Variants in AGBL4 observed in about 807,000 individuals in gnomAD.
AGBL4 encodes the protein cytosolic carboxypeptidase 6.
Under a neutral mutation model 66.4 loss-of-function variants are expected in AGBL4, and 58 were observed. That is an observed-to-expected ratio of 0.87 (90% CI 0.71 to 1.09). The LOEUF is 1.09. Among genes scored for constraint, AGBL4 ranks in the 50% least tolerant of loss-of-function variants. AGBL4 has a pLI of 0.00. For missense variants in AGBL4, 579 were observed against 631.0 expected (o/e 0.92, Z 0.88); for synonymous variants, 234 against 222.9 (o/e 1.05, Z -0.44).
chr1:49,200,049 G>C (rs1647563923), intron 4 of AGBL4, among the ~76,000 whole-genome samples: 7 of 152,090 alleles, frequency 4.6e-5, no homozygotes, highest in Admixed American at 4.6e-4. Context: ...GGGAGACATG[G>C]TCATTTCTGC....
At chr1:49,838,862 CATATTTA>C (rs1280355495) in intron 2 of AGBL4, among the ~76,000 whole-genome samples, 1 of 152,064 alleles carries the variant, frequency 6.6e-6, no homozygotes, top group South Asian at 2.1e-4. Context: ...AAAACTCAAC[CATATTTA>C]ATAAGATGAT....
intron 2 of AGBL4, among the ~76,000 whole-genome samples, chr1:49,713,813 A>G (rs1647861011): frequency 6.6e-6 from 1 of 151,918 alleles, no homozygotes; most frequent in Non-Finnish European, 1.5e-5. Flanking sequence ...TTTTTTTTTA[A>G]GAGATAGGGT....
chr1:49,545,638 A>G (rs960109890), intron 3 of AGBL4, among the ~76,000 whole-genome samples: 2 of 152,224 alleles, frequency 1.3e-5, no homozygotes, highest in African/African-American at 2.4e-5. Context: ...TATCTATGGT[A>G]TATGAGTACC....
intron 5 of AGBL4, among the ~76,000 whole-genome samples, chr1:49,006,076 G>A (rs996359617): frequency 2.2e-4 from 34 of 152,248 alleles, no homozygotes; most frequent in African/African-American, 6.0e-4. Flanking sequence ...CGTGAGCGAC[G>A]CAGAAGACAG....
intron 11 of AGBL4, among the ~76,000 whole-genome samples, chr1:48,555,641 C>T (rs1360329111): frequency 6.6e-6 from 1 of 152,122 alleles, no homozygotes; most frequent in African/African-American, 2.4e-5. Context: ...TTTTAAGAGA[C>T]AGAGGCACAA....
At chr1:48,843,989 G>C (rs1221580903) in intron 6 of AGBL4, among the ~76,000 whole-genome samples, 2 of 152,224 alleles carry the variant, frequency 1.3e-5, no homozygotes. Flanking sequence ...CAGTCTTAGT[G>C]CACTTAGTCC....
chr1:49,717,184 C>T (rs1414899073), intron 2 of AGBL4, among the ~76,000 whole-genome samples: 1 of 151,988 alleles, frequency 6.6e-6, no homozygotes, highest in Non-Finnish European at 1.5e-5. Context: ...ACAACTGCAC[C>T]ACTGCTCAAG....
intron 3 of AGBL4, among the ~76,000 whole-genome samples, chr1:49,671,819 A>C (rs866146349): frequency 6.6e-6 from 1 of 152,220 alleles, no homozygotes; most frequent in African/African-American, 2.4e-5. Context: ...GCTACTAATT[A>C]AAAGTCAAAA....
chr1:48,675,214 C>G (rs1257958095), intron 6 of AGBL4, among the ~76,000 whole-genome samples: 3 of 152,186 alleles, frequency 2.0e-5, no homozygotes, highest in Non-Finnish European at 4.4e-5. Context: ...CTTACTGTTC[C>G]TGCCATCCTC....
At chr1:49,803,069 TTATA>T (rs1424190542) in intron 2 of AGBL4, among the ~76,000 whole-genome samples, 1 of 150,740 alleles carries the variant, frequency 6.6e-6, no homozygotes, top group Non-Finnish European at 1.5e-5. Flanking sequence ...TATATATGTA[TTATA>T]TATAGCTTAT....
At chr1:49,024,320 C>G (rs1468377811) in intron 5 of AGBL4, among the ~76,000 whole-genome samples, 1 of 152,102 alleles carries the variant, frequency 6.6e-6, no homozygotes, top group Non-Finnish European at 1.5e-5. Context: ...AGATGTCTTT[C>G]CAATCTTTAC....
chr1:49,705,440 C>A (rs1368575700), intron 2 of AGBL4, among the ~76,000 whole-genome samples: 1 of 149,438 alleles, frequency 6.7e-6, no homozygotes, highest in Non-Finnish European at 1.5e-5. Flanking sequence ...ATAGCCCTAG[C>A]CAGATGAGGG....
At chr1:49,161,444 A>G (rs1372289159) in intron 4 of AGBL4, among the ~76,000 whole-genome samples, 2 of 152,068 alleles carry the variant, frequency 1.3e-5, no homozygotes, top group Non-Finnish European at 2.9e-5. Context: ...GAAATCACCC[A>G]CCTTCTGCAT....
intron 1 of AGBL4, among the ~76,000 whole-genome samples, chr1:49,954,883 T>C (rs974358945): frequency 4.6e-5 from 7 of 152,066 alleles, no homozygotes; most frequent in African/African-American, 1.7e-4. Context: ...CTATACCTAC[T>C]ACATGCCCTA....
At chr1:49,714,593 TACACACAC>T (rs1169805560) in intron 2 of AGBL4, among the ~76,000 whole-genome samples, 1 of 113,982 alleles carries the variant, frequency 8.8e-6, no homozygotes, top group African/African-American at 3.2e-5. Flanking sequence ...TATATATATA[TACACACAC>T]ACACATATAT....
chr1:49,927,684 A>G (rs1034992344), intron 1 of AGBL4, among the ~76,000 whole-genome samples: 4 of 152,180 alleles, frequency 2.6e-5, no homozygotes, highest in Admixed American at 2.0e-4. Context: ...GAGACAAAAA[A>G]AAAAAAGAAT....
At chr1:48,865,101 G>A (rs1328766003) in intron 6 of AGBL4, among the ~76,000 whole-genome samples, 2 of 152,038 alleles carry the variant, frequency 1.3e-5, no homozygotes, top group Non-Finnish European at 2.9e-5. Context: ...CTGGGGAGGA[G>A]TTCAGACAAG....
At chr1:49,573,776 G>A (rs1356592037) in intron 3 of AGBL4, among the ~76,000 whole-genome samples, 1 of 152,172 alleles carries the variant, frequency 6.6e-6, no homozygotes, top group Non-Finnish European at 1.5e-5. Context: ...TAAAGTGAGG[G>A]CATTGATTGG....
chr1:48,895,142 TTTC>T (rs1651378224), intron 5 of AGBL4, among the ~76,000 whole-genome samples: 1 of 152,246 alleles, frequency 6.6e-6, no homozygotes, highest in Admixed American at 6.5e-5. Context: ...ACCATTTCTT[TTTC>T]TTCTTCCTTC....
Sources: gnomAD v4.1 joint callset for allele counts (sites outside exome capture counted in the v4.1 genomes callset) on GRCh38, gnomAD v4.1.1 for gene constraint, MANE v1.5 for transcripts, NCBI Gene and HGNC (gene_info 2026-07-23, HGNC 2026-07-21) for gene names.